The following TMEM116 variants were observed in gnomAD, a reference collection of about 807,000 sequenced individuals.
The protein encoded by TMEM116 is transmembrane protein 116.
A neutral mutation model predicts 44.3 loss-of-function variants in TMEM116; 38 were observed. That is an observed-to-expected ratio of 0.86 (90% confidence interval 0.66 to 1.12). The LOEUF (loss-of-function observed/expected upper bound fraction) is 1.12, where lower values mean the gene tolerates loss of function less well. TMEM116 is among the 50% of genes most tolerant of loss of function. The pLI is 0.00. For synonymous variants in TMEM116, 132 were observed against 144.8 expected, an observed-to-expected ratio of 0.91 and a Z score of 0.64; for missense variants, 354 against 401.7, an observed-to-expected ratio of 0.88 and a Z score of 1.01.
At chr12:112,000,920 C>T in intron 3 of TMEM116, 1 of 410,618 alleles carries the variant, frequency 2.4e-6, no homozygotes. Context: ...TCTCTTTGTG[C>T]AGCATGGCGA....
At chr12:111,931,289 T>C (rs2071627277), downstream of TMEM116, 1 of 257,496 alleles carries the variant, frequency 3.9e-6, no homozygotes, top group South Asian at 4.8e-5. Flanking sequence ...AGCTTTGAAA[T>C]GACACATATA....
At chr12:111,971,979 G>C (rs947973377) in intron 4 of TMEM116, among the ~76,000 whole-genome samples, 8 of 150,832 alleles carry the variant, frequency 5.3e-5, no homozygotes, top group African/African-American at 2.0e-4. Context: ...AGGAAGCTGA[G>C]GTTGGAGGAT....
At chr12:111,966,094 T>A (rs1360785173) in intron 4 of TMEM116, among the ~76,000 whole-genome samples, 3 of 152,066 alleles carry the variant, frequency 2.0e-5, no homozygotes, top group African/African-American at 7.2e-5. Flanking sequence ...TCACCTGAGG[T>A]CAGGAGTTTG....
At chr12:112,005,333 T>C (rs937317851) in intron 1 of TMEM116, 30 bp from the exon 2 acceptor site, 14 of 1,275,524 alleles carry the variant, frequency 1.1e-5, no homozygotes, top group African/African-American at 3.1e-5. Context: ...CGGAATAAAA[T>C]TAAACCTTTT....
At chr12:111,982,332 G>A (rs1363821332) in intron 4 of TMEM116, among the ~76,000 whole-genome samples, 1 of 142,066 alleles carries the variant, frequency 7.0e-6, no homozygotes, top group African/African-American at 2.6e-5. Flanking sequence ...ACCGAGTCTT[G>A]CTCTGTTGCC....
chr12:111,985,036 A>C (rs2076146562), intron 4 of TMEM116, among the ~76,000 whole-genome samples: 1 of 152,118 alleles, frequency 6.6e-6, no homozygotes, highest in African/African-American at 2.4e-5. Context: ...AGACAAAGTC[A>C]TCATACTCAA....
chr12:111,936,707 G>A lies in TMEM116; in HGVS notation c.573C>T (p.Ser191=). 6.2e-7 allele frequency: 1 copy of A among 1,614,028 alleles called. No homozygotes were observed. ...GGTACCATACCATAATGGTAAGGAG[G>A]CTGAGTACAAAGCTGCCCAGGAAAA... is the stretch of plus-strand genomic sequence containing the variant. The part of the protein sequence containing the change: ...IAIFLGSFVL[S]LLTIMVLLIR... The change falls in exon 8 of 11, where the codon AGC becomes AGT. Residue 191 remains serine (S), a synonymous_variant. Transcript: ENST00000552374.
At chr12:111,945,621 T>C (rs1174579428) in intron 4 of TMEM116, among the ~76,000 whole-genome samples, 4 of 152,190 alleles carry the variant, frequency 2.6e-5, no homozygotes, top group Non-Finnish European at 4.4e-5. Flanking sequence ...AACTACTTTG[T>C]ATTATTTTGA....
chr12:111,980,934 C>T (rs1016793386), intron 4 of TMEM116, among the ~76,000 whole-genome samples: 19 of 151,708 alleles, frequency 1.3e-4, no homozygotes, highest in Non-Finnish European at 2.2e-4. Flanking sequence ...ATTAACTGGG[C>T]GTGGTAGTGT....
At chr12:111,945,525 A>C (rs185532103) in intron 4 of TMEM116, among the ~76,000 whole-genome samples, 2 of 152,252 alleles carry the variant, frequency 1.3e-5, no homozygotes, top group African/African-American at 4.8e-5. Context: ...TAACACCTTA[A>C]GTGATATTGT....
At chr12:112,012,123 T>G (rs1293665575) in intron 1 of TMEM116, 1 of 152,266 alleles carries the variant, frequency 6.6e-6, no homozygotes, top group African/African-American at 2.4e-5. Context: ...AACATGCCTG[T>G]GCATAATTTT....
chr12:111,999,877 G>A (rs1230261009), intron 3 of TMEM116, among the ~76,000 whole-genome samples: 1 of 152,150 alleles, frequency 6.6e-6, no homozygotes, highest in Non-Finnish European at 1.5e-5. Flanking sequence ...GATTTTGGGG[G>A]AGGTAAATGC....
At chr12:111,950,808 C>T (rs2073680932) in intron 4 of TMEM116, among the ~76,000 whole-genome samples, 1 of 151,974 alleles carries the variant, frequency 6.6e-6, no homozygotes, top group East Asian at 1.9e-4. Context: ...AAAGCAATTG[C>T]AAAAAATGCA....
chr12:111,953,868 C>T (rs2073910883), intron 4 of TMEM116, among the ~76,000 whole-genome samples: 1 of 152,136 alleles, frequency 6.6e-6, no homozygotes, highest in Non-Finnish European at 1.5e-5. Context: ...TACAAGAACA[C>T]ATTTAAAACT....
intron 4 of TMEM116, among the ~76,000 whole-genome samples, chr12:111,988,697 CAA>C (rs899729599): frequency 1.7e-5 from 2 of 120,464 alleles, no homozygotes; most frequent in Non-Finnish European, 3.4e-5. Context: ...GACTCCATCT[CAA>C]AAAACGAACA....
intron 4 of TMEM116, among the ~76,000 whole-genome samples, chr12:111,969,350 C>A (rs2075188177): frequency 6.7e-6 from 1 of 150,222 alleles, no homozygotes. Flanking sequence ...CTACATTAAA[C>A]TGCTAGAGGC....
intron 4 of TMEM116, among the ~76,000 whole-genome samples, chr12:111,978,948 G>C (rs1354720759): frequency 6.6e-6 from 1 of 152,208 alleles, no homozygotes; most frequent in African/African-American, 2.4e-5. Context: ...TCACCAAAAA[G>C]TGTTAGACTT....
chr12:111,932,544 A>G (rs2071744280), intron 10 of TMEM116, 42 bp downstream of exon 10: 1 of 1,517,434 alleles, frequency 6.6e-7, no homozygotes, highest in Non-Finnish European at 9.2e-7. Context: ...AAATAGGATA[A>G]GCGGGTGTAA....
chr12:111,936,499 C>T, intron 8 of TMEM116, 193 bp downstream of exon 8: 1 of 546,642 alleles, frequency 1.8e-6, no homozygotes. Context: ...TCTTTTCTCT[C>T]TCTTATCATT....
Sources: gnomAD v4.1 joint callset for allele counts (sites outside exome capture counted in the v4.1 genomes callset) on GRCh38, gnomAD v4.1.1 for gene constraint, MANE v1.5 for transcripts, NCBI Gene and HGNC (gene_info 2026-07-23, HGNC 2026-07-21) for gene names.